PRKAG2: variants seen among roughly 807,000 people sequenced by gnomAD.
PRKAG2 encodes protein kinase AMP-activated non-catalytic subunit gamma 2, also known as 5'-AMP-activated protein kinase subunit gamma-2.
PRKAG2 carries 26 observed loss-of-function variants against 69.6 expected under a neutral mutation model. The ratio of observed to expected loss-of-function variants is 0.37; its 90% CI spans 0.27 to 0.52. The LOEUF is 0.52. PRKAG2 is among the 20% of genes least tolerant of loss of function. The pLI, the probability that PRKAG2 is intolerant of heterozygous loss-of-function variation, is 0.90. For missense variants in PRKAG2, 557 were observed against 740.0 expected, an observed-to-expected ratio of 0.75 and a Z score of 2.87; for synonymous variants, 293 against 285.0, an observed-to-expected ratio of 1.03 and a Z score of -0.28.
intron 1 of PRKAG2, among the ~76,000 whole-genome samples, chr7:151,804,106 T>C (rs2077979904): frequency 6.6e-6 from 1 of 152,148 alleles, no homozygotes; most frequent in African/African-American, 2.4e-5. Flanking sequence ...ATGAAGGCTG[T>C]TCCCTGTCTC....
At chr7:151,578,522 C>T (rs1809539727) in intron 6 of PRKAG2, among the ~76,000 whole-genome samples, 1 of 152,206 alleles carries the variant, frequency 6.6e-6, no homozygotes, top group African/African-American at 2.4e-5. Flanking sequence ...GTACCTAGTT[C>T]ACCTACACAA....
Position 151,777,547 on chromosome 7 carries a change from T to C in PRKAG2, c.466+3605A>G, listed in dbSNP as rs1427267210. 6.6e-6 allele frequency among the ~76,000 whole-genome samples: 1 copy of C among 152,156 alleles called. No homozygotes were observed. The highest frequency in any genetic ancestry group is 1.5e-5 in the Non-Finnish European group (1 of 68,024). Reference sequence around the variant, plus strand: ...CCCCTCTCTCTTGCTCCCTTGCGTGTGAGCTCTGCATACCCCGGCTTTCCT... The same window carrying C: ...CCCCTCTCTCTTGCTCCCTTGCGTGCGAGCTCTGCATACCCCGGCTTTCCT... On this transcript the variant is annotated intron_variant, in intron 3 of 15. Coordinates refer to ENST00000287878, the MANE Select transcript of PRKAG2 (RefSeq NM_016203.4). This position sits in a 1 kb window ranked among gnomAD's most constrained non-coding sequence, Gnocchi z 4.3.
chr7:151,673,744 G>C (rs1832434355), intron 4 of PRKAG2, among the ~76,000 whole-genome samples: 2 of 151,816 alleles, frequency 1.3e-5, no homozygotes. Flanking sequence ...CTAAGTCCCA[G>C]TACCTGTGAA....
chr7:151,634,719 T>C lies in PRKAG2; in HGVS notation c.685-2581A>G, dbSNP rs572430178. The stretch of plus-strand genomic sequence containing the variant: ...CATAGGCAAATGACACAGAGCTGTT[T>C]CACCAAGAAAGATATACAGATGGCA... On this transcript the variant is annotated intron_variant, in intron 4 of 15. Coordinates refer to ENST00000287878, the MANE Select transcript of PRKAG2 (RefSeq NM_016203.4). 8.0e-4 allele frequency among the ~76,000 whole-genome samples: 122 copies of C among 152,310 alleles called. 1 individual carries two copies. The highest frequency in any genetic ancestry group is 3.7e-3 in the East Asian group (19 of 5,188).
At chr7:151,856,164 A>T (rs573045457) in intron 1 of PRKAG2, among the ~76,000 whole-genome samples, 2 of 152,220 alleles carry the variant, frequency 1.3e-5, no homozygotes, top group African/African-American at 4.8e-5. Flanking sequence ...TTTAATTCTC[A>T]TGGCCACCTG....
intron 3 of PRKAG2, among the ~76,000 whole-genome samples, chr7:151,681,302 A>G (rs1336382880): frequency 6.6e-6 from 1 of 152,172 alleles, no homozygotes; most frequent in Non-Finnish European, 1.5e-5. Flanking sequence ...CATCTTTCCA[A>G]GTTCAGAAGC....
chr7:151,587,902 A>G lies in PRKAG2; in HGVS notation c.864+7443T>C, dbSNP rs73727862. Among the ~76,000 whole-genome samples, 1,473 of 152,322 alleles carry G rather than the reference A, an allele frequency of 9.7e-3. 19 individuals carry two copies. The highest frequency in any genetic ancestry group is 0.034 in the African/African-American group (1,402 of 41,566). On this transcript the variant is annotated intron_variant, in intron 6 of 15. Coordinates refer to ENST00000287878, the MANE Select transcript of PRKAG2 (RefSeq NM_016203.4). Reference sequence around the variant, plus strand: ...CAATATTGGTTCATTAACTGGGACAAATATAGACCACACTAACGCAAGATG... The same window carrying G: ...CAATATTGGTTCATTAACTGGGACAGATATAGACCACACTAACGCAAGATG...
At chr7:151,712,443 A>G (rs1378730869) in intron 3 of PRKAG2, among the ~76,000 whole-genome samples, 1 of 152,234 alleles carries the variant, frequency 6.6e-6, no homozygotes, top group Admixed American at 6.5e-5. Flanking sequence ...TGGTAACCAC[A>G]GGGACAGCCC....
At chr7:151,811,414 C>T (rs939364537) in intron 1 of PRKAG2, among the ~76,000 whole-genome samples, 12 of 152,248 alleles carry the variant, frequency 7.9e-5, no homozygotes, top group African/African-American at 1.9e-4. Flanking sequence ...GCCCAGGCCA[C>T]GAGGCCTCTG....
intron 5 of PRKAG2, among the ~76,000 whole-genome samples, chr7:151,606,252 C>G (rs1817534292): frequency 6.6e-6 from 1 of 152,110 alleles, no homozygotes; most frequent in Non-Finnish European, 1.5e-5. Flanking sequence ...AATAAAACAA[C>G]ATCAATCACA....
intron 1 of PRKAG2, among the ~76,000 whole-genome samples, chr7:151,858,683 G>A (rs568756074): frequency 1.5e-4 from 23 of 152,322 alleles, no homozygotes; most frequent in African/African-American, 5.5e-4. Context: ...GGGTGACATC[G>A]TCATTCACTT....
chr7:151,627,807 C>T (rs945397728), intron 5 of PRKAG2, among the ~76,000 whole-genome samples: 4 of 152,088 alleles, frequency 2.6e-5, no homozygotes, highest in Non-Finnish European at 5.9e-5. Flanking sequence ...GAACCACAGG[C>T]GTGCACCACC....
intron 1 of PRKAG2, among the ~76,000 whole-genome samples, chr7:151,806,211 A>G (rs917504316): frequency 1.3e-5 from 2 of 152,234 alleles, no homozygotes; most frequent in African/African-American, 4.8e-5. Context: ...AACAACAAAC[A>G]GTTTGGGACA....
chr7:151,786,470 C>T lies in PRKAG2; in HGVS notation c.186G>A (p.Lys62=), dbSNP rs369687307. The T allele has an allele frequency of 6.2e-7, 1 of 1,610,688 alleles. No individual in the cohort carries two copies. Among genetic ancestry groups the T allele is most frequent in the African/African-American group, 1.3e-5 (1 of 74,894 alleles). Residue 62 remains lysine, a splice_region_variant and synonymous_variant, in exon 2 of 16, where the codon AAG becomes AAA. Coordinates refer to ENST00000287878, the MANE Select transcript of PRKAG2 (RefSeq NM_016203.4). Reference sequence around the variant, plus strand: ...GAAACTTCTGGAAAGGAGGTCTTACCTTTCGAGAGGAATGCTTTCCGGAAC... The same window carrying T: ...GAAACTTCTGGAAAGGAGGTCTTACTTTTCGAGAGGAATGCTTTCCGGAAC... ...LEGSGKHSSR[K]VDSPFGPGSP... is the part of the protein sequence containing the mutation.
At chr7:151,561,855 C>T (rs943824790) in intron 14 of PRKAG2, among the ~76,000 whole-genome samples, 8 of 151,340 alleles carry the variant, frequency 5.3e-5, no homozygotes, top group African/African-American at 1.9e-4. Flanking sequence ...ATTGCTTGAA[C>T]CTGGGAGGTG....
In PRKAG2 at chr7:151,557,013, G is replaced by T; in HGVS notation, c.*188C>A. On this transcript the variant is annotated 3_prime_UTR_variant, in exon 16 of 16. Coordinates refer to ENST00000287878, the MANE Select transcript of PRKAG2 (RefSeq NM_016203.4). Reference sequence around the variant, plus strand: ...AAAGGTCTGAAAACAGTCTTTTAATGCAAGCCTGAATCTTCAAGCACATAA... The same window carrying T: ...AAAGGTCTGAAAACAGTCTTTTAATTCAAGCCTGAATCTTCAAGCACATAA... 1 of 928,870 alleles carries T rather than the reference G, an allele frequency of 1.1e-6. No homozygotes were observed. The highest frequency in any genetic ancestry group is 1.6e-6 in the Non-Finnish European group (1 of 617,774). The allele number at this position is 928,870 out of a possible 1,614,324, so 57.5% of individuals were successfully genotyped here. A position where few individuals can be genotyped will look rare whatever the true frequency, so the allele number is the denominator to read the frequency against.
chr7:151,775,553 G>A (rs547344636), intron 3 of PRKAG2, among the ~76,000 whole-genome samples: 7 of 152,312 alleles, frequency 4.6e-5, no homozygotes, highest in African/African-American at 1.7e-4. Flanking sequence ...GAAGAGGGAC[G>A]AAAACTGGAT....
chr7:151,739,102 A>G (rs1277672541), intron 3 of PRKAG2, among the ~76,000 whole-genome samples: 1 of 152,194 alleles, frequency 6.6e-6, no homozygotes, highest in Non-Finnish European at 1.5e-5. Context: ...TGCAGGGGAC[A>G]CACACCAGCT....
chr7:151,565,196 T>A lies in PRKAG2; in HGVS notation c.1437+150A>T, dbSNP rs1199925971. On this transcript the variant is annotated intron_variant, in intron 13 of 15. Transcript: ENST00000287878. The stretch of plus-strand genomic sequence containing the variant: ...ATGCAGATTAAAAGTACAATTACTA[T>A]AGAAGGTCTATAAAATTCTGATAAT... 4 of 581,960 alleles carry A rather than the reference T, an allele frequency of 6.9e-6. No homozygotes were observed. In the East Asian group the frequency reaches 1.5e-4, roughly 23 times the overall value. 36.0% of individuals were successfully genotyped at this position (581,960 alleles called of 1,614,324 possible).
Sources: allele counts gnomAD v4.1 joint callset (sites outside exome capture counted in the v4.1 genomes callset), GRCh38; gene constraint gnomAD v4.1.1; non-coding constraint Gnocchi (gnomAD v3.1); transcripts MANE v1.5; gene names NCBI Gene and HGNC (gene_info 2026-07-23, HGNC 2026-07-21).